DISP3: variants seen among roughly 807,000 people sequenced by gnomAD.
DISP3 encodes dispatched RND transporter family member 3.
DISP3 carries 101 observed loss-of-function variants against 135.3 expected under a neutral mutation model. The observed-to-expected ratio is 0.75, with a 90% confidence interval of 0.64 to 0.88. DISP3 has a LOEUF of 0.88. DISP3 is among the 40% of genes least tolerant of loss of function. The probability of loss-of-function intolerance (pLI) is 0.00; values close to 1 mark genes in which losing one functional copy is unlikely to be tolerated. For synonymous variants in DISP3, 856 were observed against 817.0 expected (o/e 1.05, Z -0.81); for missense variants, 1,713 against 1,878.6 (o/e 0.91, Z 1.63).
chr1:11,520,817 C>G lies in DISP3; in HGVS notation c.2331C>G (p.Ser777Arg). 6.2e-7 allele frequency: 1 copy of G among 1,611,678 alleles called. No homozygotes were observed. Among genetic ancestry groups the G allele is most frequent in the Non-Finnish European group, 8.5e-7 (1 of 1,179,232 alleles). ...TGCTGGACCTCAAGTACAACCTGAG[C>G]GCCGAGGGCATCTCCTGCATCACCT... ...QVLLDLKYNL[S>R]AEGISCITCS... The change falls in exon 10 of 21, where the codon AGC becomes AGG. Residue 777 changes from serine to arginine, a missense_variant. By Grantham distance (110) the Ser-to-Arg change is moderately radical. Transcript: ENST00000294484. The surrounding 1 kb of genome is among the most constrained non-coding windows in gnomAD (Gnocchi z 4.8).
In DISP3 at chr1:11,520,760, A is replaced by T; in HGVS notation, c.2274A>T (p.Leu758=). The change falls in exon 10 of 21, where the codon CTA becomes CTT. Residue 758 remains leucine (L), a synonymous_variant. Coordinates refer to ENST00000294484, the MANE Select transcript of DISP3 (RefSeq NM_020780.2). This position sits in a 1 kb window ranked among gnomAD's most constrained non-coding sequence, Gnocchi z 4.8. ...TCCGCCCCGCCAGCCGGGCCCCGCT[A>T]CTCTTCCGGCCTGATACCAACATCC... The part of the protein sequence containing the change: ...SRLRPASRAP[L]LFRPDTNIQV... 1.2e-6 allele frequency: 2 copies of T among 1,612,868 alleles called. No individual in the cohort carries two copies. The highest frequency in any genetic ancestry group is 1.7e-6 in the Non-Finnish European group (2 of 1,179,850).
At position 11,531,743 on chromosome 1, in the gene DISP3, T is replaced by C. The variant is rs751935938; in HGVS notation, c.3375+33T>C. 1 of 1,563,692 alleles carries C rather than the reference T, an allele frequency of 6.4e-7. No individual in the cohort carries two copies. The highest frequency in any genetic ancestry group is 1.2e-5 in the South Asian group (1 of 82,078). On this transcript the variant is annotated intron_variant, in intron 17 of 20. Transcript: ENST00000294484. The surrounding 1 kb of genome is among the most constrained non-coding windows in gnomAD (Gnocchi z 5.2). Reference sequence around the variant, plus strand: ...CAGGCAGCCTCACTGGGTGCCATGCTGCGTACTTGCCCGGGGTGTGCCACC... The same window carrying C: ...CAGGCAGCCTCACTGGGTGCCATGCCGCGTACTTGCCCGGGGTGTGCCACC...
intron 1 of DISP3, among the ~76,000 whole-genome samples, chr1:11,487,445 T>C (rs1351262900): frequency 6.6e-6 from 1 of 152,168 alleles, no homozygotes; most frequent in African/African-American, 2.4e-5. Flanking sequence ...GCTCAGCAGG[T>C]GCGCTTGGAG....
At chr1:11,522,801 C>G (rs1313094683) in intron 10 of DISP3, among the ~76,000 whole-genome samples, 1 of 130,380 alleles carries the variant, frequency 7.7e-6, no homozygotes, top group Non-Finnish European at 1.7e-5. Flanking sequence ...AGAGCCCAGC[C>G]AGGACCCAGC....
intron 1 of DISP3, among the ~76,000 whole-genome samples, chr1:11,496,626 A>G (rs938047483): frequency 6.6e-6 from 1 of 152,166 alleles, no homozygotes; most frequent in Non-Finnish European, 1.5e-5. Flanking sequence ...AAGGAAAACA[A>G]ATTTACAATT....
At chr1:11,533,534 G>A (rs1359283988) in intron 17 of DISP3, 6 of 493,038 alleles carry the variant, frequency 1.2e-5, no homozygotes, top group Non-Finnish European at 2.2e-5. Context: ...GGGGATTATA[G>A]GCGTGAGCCA....
intron 1 of DISP3, among the ~76,000 whole-genome samples, chr1:11,497,655 C>G (rs920855799): frequency 1.3e-5 from 2 of 152,124 alleles, no homozygotes; most frequent in South Asian, 2.1e-4. Flanking sequence ...CCCAGAGTGC[C>G]GGGATTACAG....
In DISP3 at chr1:11,529,562, G is replaced by C. The variant is rs1642518252; in HGVS notation, c.2805G>C (p.Leu935=). 4 of 1,559,814 alleles carry C rather than the reference G, an allele frequency of 2.6e-6. No homozygotes were observed. In the African/African-American group the frequency reaches 4.1e-5, roughly 16 times the overall value. The part of the protein sequence containing the change: ...ATKEQQHTRK[L]YFAQSHKPPF... ...GCCTCCATTCCCTCCACAGGAAGCTGTACTTCGCCCAGTCCCACAAGCCCC... is the reference window on the plus strand; with the variant it reads ...GCCTCCATTCCCTCCACAGGAAGCTCTACTTCGCCCAGTCCCACAAGCCCC... The change falls in exon 14 of 21, where the codon CTG becomes CTC. Residue 935 remains leucine (L), a synonymous_variant. Transcript: ENST00000294484. This position sits in a 1 kb window ranked among gnomAD's most constrained non-coding sequence, Gnocchi z 4.7.
chr1:11,536,638 C>T lies in DISP3; in HGVS notation c.4131C>T (p.Leu1377=), dbSNP rs778601011. The change falls in exon 21 of 21, where the codon CTC becomes CTT. Residue 1377 remains leucine (L), a synonymous_variant. Coordinates refer to ENST00000294484, the MANE Select transcript of DISP3 (RefSeq NM_020780.2). The surrounding 1 kb of genome is among the most constrained non-coding windows in gnomAD (Gnocchi z 4.3). ...TGGGGCTGGGTGCCTGCCTCGTGCT[C>T]CTGCAGAGCGGCTATAAGATTCCCC... ...GALGLGACLV[L]LQSGYKIPLP... is the part of the protein sequence containing the mutation. The T allele has an allele frequency of 5.0e-6, 8 of 1,601,800 alleles. No homozygotes were observed. In the Admixed American group the frequency reaches 1.0e-4, roughly 21 times the overall value.
At position 11,520,562 on chromosome 1, in the gene DISP3, C is replaced by G. The variant is rs1456559370; in HGVS notation, c.2201-125C>G. 9.4e-7 allele frequency: 1 copy of G among 1,064,564 alleles called. No homozygotes were observed. Among genetic ancestry groups the G allele is most frequent in the Non-Finnish European group, 1.3e-6 (1 of 743,784 alleles). The allele number at this position is 1,064,564 out of a possible 1,614,324, so 65.9% of individuals were successfully genotyped here. ...CCCACGGGCTGGCATGCAGGGCCTTCCCCCGCACCCTTAGGACACCCGCCC... is the reference window on the plus strand; with the variant it reads ...CCCACGGGCTGGCATGCAGGGCCTTGCCCCGCACCCTTAGGACACCCGCCC... On this transcript the variant is annotated intron_variant, in intron 9 of 20. Coordinates refer to ENST00000294484, the MANE Select transcript of DISP3 (RefSeq NM_020780.2). The surrounding 1 kb of genome is among the most constrained non-coding windows in gnomAD (Gnocchi z 4.8).
intron 1 of DISP3, among the ~76,000 whole-genome samples, chr1:11,494,413 C>A (rs915151371): frequency 6.6e-6 from 1 of 152,170 alleles, no homozygotes; most frequent in Non-Finnish European, 1.5e-5. Flanking sequence ...ATCTCCAGTG[C>A]CTCTCCAGCC....
intron 12 of DISP3, among the ~76,000 whole-genome samples, chr1:11,525,782 C>T (rs1410145131): frequency 6.6e-6 from 1 of 152,102 alleles, no homozygotes; most frequent in Admixed American, 6.5e-5. Flanking sequence ...TTTTCCCCTT[C>T]ATGGGAGTCA....
rs150453494 is a variant in DISP3 at position 11,530,510 on chromosome 1, G to A, written c.3103-397G>A. ...AGTAAGTCGGGGGCAAGGTGGAGTC[G>A]GAGGAGATCTGTGTGTTCAGTCCAC... On this transcript the variant is annotated intron_variant, in intron 15 of 20. Coordinates refer to ENST00000294484, the MANE Select transcript of DISP3 (RefSeq NM_020780.2). Among the ~76,000 whole-genome samples the A allele has an allele frequency of 4.5e-3, 683 of 152,260 alleles. 5 individuals are homozygous for A. Among genetic ancestry groups the A allele is most frequent in the African/African-American group, 0.016 (652 of 41,554 alleles).
At chr1:11,490,086 A>G (rs769476071) in intron 1 of DISP3, among the ~76,000 whole-genome samples, 14 of 151,954 alleles carry the variant, frequency 9.2e-5, no homozygotes, top group Non-Finnish European at 1.6e-4. Context: ...CTCCAGCCTC[A>G]TACACCCAGG....
In DISP3 at chr1:11,516,941, A is replaced by T. The variant is rs1353565488; in HGVS notation, c.1750-522A>T. 2.0e-5 allele frequency among the ~76,000 whole-genome samples: 3 copies of T among 152,122 alleles called. No homozygotes were observed. Among genetic ancestry groups the T allele is most frequent in the Non-Finnish European group, 4.4e-5 (3 of 68,006 alleles). ...ACTGAGATGCGAGGATGATTGTGAA[A>T]GTGTTTCACAGAGTGTAGGCTGCTC... is the stretch of plus-strand genomic sequence containing the variant. On this transcript the variant is annotated intron_variant, in intron 6 of 20. Transcript: ENST00000294484. The surrounding 1 kb of genome is among the most constrained non-coding windows in gnomAD (Gnocchi z 5.1).
chr1:11,480,761 C>T (rs538706953), intron 1 of DISP3, among the ~76,000 whole-genome samples: 1 of 151,260 alleles, frequency 6.6e-6, no homozygotes, highest in Non-Finnish European at 1.5e-5. Flanking sequence ...GCAAACACCC[C>T]CTCCCCACCT....
In DISP3 at chr1:11,516,887, C is replaced by T. The variant is rs1570115626; in HGVS notation, c.1750-576C>T. On this transcript the variant is annotated intron_variant, in intron 6 of 20. Transcript: ENST00000294484. This position sits in a 1 kb window ranked among gnomAD's most constrained non-coding sequence, Gnocchi z 5.1. ...CAGGCTGTGTGACCTCTCTGAGCCT[C>T]GCTTTCCTCATGTGTGGATTATCCA... Among the ~76,000 whole-genome samples the T allele has an allele frequency of 1.3e-5, 2 of 152,162 alleles. No individual in the cohort carries two copies. The highest frequency in any genetic ancestry group is 2.1e-4 in the South Asian group (1 of 4,828).
At chr1:11,502,265 AAG>A (rs1641566149) in intron 2 of DISP3, among the ~76,000 whole-genome samples, 177 bp downstream of exon 2, 1 of 152,198 alleles carries the variant, frequency 6.6e-6, no homozygotes, top group Non-Finnish European at 1.5e-5. Context: ...AGATGAGCGT[AAG>A]AGGGAACTGA....
intron 1 of DISP3, among the ~76,000 whole-genome samples, chr1:11,494,183 G>C: frequency 6.6e-6 from 1 of 152,244 alleles, no homozygotes; most frequent in East Asian, 1.9e-4. Flanking sequence ...TTTTGCTTCT[G>C]TAAAAAGTGA....
Sources: allele counts gnomAD v4.1 joint callset (sites outside exome capture counted in the v4.1 genomes callset), GRCh38; gene constraint gnomAD v4.1.1; non-coding constraint Gnocchi (gnomAD v3.1); transcripts MANE v1.5; gene names NCBI Gene and HGNC (gene_info 2026-07-23, HGNC 2026-07-21).